MCC: variants seen among roughly 807,000 people sequenced by gnomAD.
The protein encoded by MCC is colorectal mutant cancer protein.
Under a neutral mutation model 116.2 loss-of-function variants are expected in MCC, and 90 were observed. The observed-to-expected ratio is 0.77, with a 90% CI of 0.65 to 0.92. The LOEUF is 0.92. MCC is among the 40% of genes least tolerant of loss of function. The pLI is 0.00. For missense variants in MCC, 1,516 were observed against 1,312.2 expected, an observed-to-expected ratio of 1.16 and a Z score of -2.40; for synonymous variants, 578 against 510.5, an observed-to-expected ratio of 1.13 and a Z score of -1.78.
At chr5:113,440,823 G>A (rs1771015455) in intron 1 of MCC, among the ~76,000 whole-genome samples, 1 of 152,156 alleles carries the variant, frequency 6.6e-6, no homozygotes, top group East Asian at 1.9e-4. Context: ...GATTATATCA[G>A]AAGTTTAACA....
intron 3 of MCC, among the ~76,000 whole-genome samples, chr5:113,215,883 T>C (rs1465043543): frequency 6.6e-6 from 1 of 152,198 alleles, no homozygotes; most frequent in Non-Finnish European, 1.5e-5. Flanking sequence ...ATTTAGTAAA[T>C]GCCTACACTC....
chr5:113,131,664 C>A lies in MCC; in HGVS notation c.885-8838G>T, dbSNP rs151214165. On this transcript the variant is annotated intron_variant, in intron 5 of 18. Transcript: ENST00000408903. ...TCAGATTTGCCATCGTGGCTGTGAT[C>A]CCCTCAGAGATCAGGAACTGCTACT... Among the ~76,000 whole-genome samples, 345 of 152,194 alleles carry A rather than the reference C, an allele frequency of 2.3e-3. 1 individual carries two copies. The highest frequency in any genetic ancestry group is 2.8e-3 in the Non-Finnish European group (190 of 68,018).
intron 2 of MCC, among the ~76,000 whole-genome samples, chr5:113,366,182 C>G (rs555246965): frequency 1.3e-5 from 2 of 152,246 alleles, no homozygotes; most frequent in East Asian, 3.9e-4. Flanking sequence ...ATTTCTCATT[C>G]CTAGATGTTC....
intron 14 of MCC, among the ~76,000 whole-genome samples, chr5:113,060,798 G>A (rs188697613): frequency 9.9e-5 from 15 of 152,100 alleles, no homozygotes; most frequent in Admixed American, 7.2e-4. Context: ...AGGATGTGTC[G>A]GGGCTGGTCT....
rs1161961792 is a variant in MCC, at chr5:113,483,633, A to G, written c.170+4612T>C. 2.0e-5 allele frequency among the ~76,000 whole-genome samples: 3 copies of G among 152,204 alleles called. No homozygotes were observed. The South Asian group carries it at 6.2e-4, about 32-fold the overall frequency. ...AAAAAATATCTTTAATAAAATATAC[A>G]CATATCCTCAAAGACCTAAAGACAG... On this transcript the variant is annotated intron_variant, in intron 1 of 18. Coordinates refer to ENST00000408903, the MANE Select transcript of MCC (RefSeq NM_001085377.2).
At chr5:113,447,187 G>C (rs897216226) in intron 1 of MCC, among the ~76,000 whole-genome samples, 4 of 152,080 alleles carry the variant, frequency 2.6e-5, no homozygotes, top group African/African-American at 9.7e-5. Flanking sequence ...TAAATAAAAT[G>C]ATGATTTTTA....
Position 113,412,826 on chromosome 5 carries a change from G to C in MCC, c.171-27614C>G, listed in dbSNP as rs574137941. 5.9e-5 allele frequency among the ~76,000 whole-genome samples: 9 copies of C among 152,322 alleles called. No homozygotes were observed. The South Asian group carries it at 8.3e-4, about 14-fold the overall frequency. ...ACACTATGTTGAATAGGAGTGGTGA[G>C]AGAGGACAACACAGTGTTGTGCCAG... On this transcript the variant is annotated intron_variant, in intron 1 of 18. Transcript: ENST00000408903.
At chr5:113,163,369 G>C (rs965410846) in intron 3 of MCC, among the ~76,000 whole-genome samples, 6 of 152,154 alleles carry the variant, frequency 3.9e-5, no homozygotes, top group African/African-American at 1.4e-4. Flanking sequence ...CACCAAAACA[G>C]AGAAATATAT....
chr5:113,133,097 A>C (rs959812643), intron 5 of MCC, among the ~76,000 whole-genome samples: 1 of 152,222 alleles, frequency 6.6e-6, no homozygotes, highest in Admixed American at 6.5e-5. Flanking sequence ...TAATCAAGTC[A>C]GGATAACTGG....
chr5:113,125,333 G>C (rs1465090246), intron 5 of MCC, among the ~76,000 whole-genome samples: 1 of 152,128 alleles, frequency 6.6e-6, no homozygotes, highest in Non-Finnish European at 1.5e-5. Flanking sequence ...AAGTATTCTA[G>C]AACAAAAACG....
intron 5 of MCC, among the ~76,000 whole-genome samples, chr5:113,134,612 C>A (rs4577684): frequency 9.1e-6 from 1 of 110,172 alleles, no homozygotes; most frequent in African/African-American, 3.5e-5. Context: ...TTTTTTTTTT[C>A]TTCTATTTCT....
chr5:113,064,839 G>A (rs1264711725), intron 13 of MCC, among the ~76,000 whole-genome samples: 1 of 152,150 alleles, frequency 6.6e-6, no homozygotes, highest in Non-Finnish European at 1.5e-5. Context: ...TGCCCAAAAT[G>A]TTCACATTCC....
At chr5:113,236,816 C>A (rs534904958) in intron 3 of MCC, among the ~76,000 whole-genome samples, 1 of 152,064 alleles carries the variant, frequency 6.6e-6, no homozygotes, top group African/African-American at 2.4e-5. Flanking sequence ...TTCAGGGGGA[C>A]GGGGGACAGG....
chr5:113,205,403 G>C (rs1228736538), intron 3 of MCC, among the ~76,000 whole-genome samples: 2 of 152,218 alleles, frequency 1.3e-5, no homozygotes, highest in Admixed American at 1.3e-4. Context: ...ATGTGGGCTT[G>C]TATCATAGAG....
At chr5:113,436,703 A>T (rs1770874712) in intron 1 of MCC, 1 of 152,332 alleles carries the variant, frequency 6.6e-6, no homozygotes, top group South Asian at 2.1e-4. Flanking sequence ...CTAGAGTCTG[A>T]TAAGAAACAT....
chr5:113,310,047 T>C (rs184819368), intron 3 of MCC, among the ~76,000 whole-genome samples: 22 of 152,232 alleles, frequency 1.4e-4, no homozygotes, highest in Admixed American at 1.3e-3. Context: ...TTATAAGGAA[T>C]ACACGATTTG....
intron 3 of MCC, among the ~76,000 whole-genome samples, chr5:113,291,936 A>T (rs1766511281): frequency 6.6e-6 from 1 of 152,204 alleles, no homozygotes; most frequent in African/African-American, 2.4e-5. Flanking sequence ...TATGAACCAC[A>T]CACTCTCTTG....
chr5:113,027,748 C>T (rs1413818559), intron 18 of MCC, among the ~76,000 whole-genome samples: 1 of 152,042 alleles, frequency 6.6e-6, no homozygotes, highest in African/African-American at 2.4e-5. Context: ...AGAAGGGGTT[C>T]TAAGAGTCAA....
chr5:113,063,806 A>G (rs1488583940), intron 14 of MCC, among the ~76,000 whole-genome samples, 178 bp downstream of exon 14: 1 of 152,230 alleles, frequency 6.6e-6, no homozygotes, highest in Admixed American at 6.5e-5. Context: ...GCCACTTTCT[A>G]GCTCTTCTGT....
Sources: allele counts gnomAD v4.1 joint callset (sites outside exome capture counted in the v4.1 genomes callset), GRCh38; gene constraint gnomAD v4.1.1; transcripts MANE v1.5; gene names NCBI Gene and HGNC (gene_info 2026-07-23, HGNC 2026-07-21).